The following FGFR2 variants were observed in gnomAD, a reference collection of about 807,000 sequenced individuals.
FGFR2 encodes the protein BEK fibroblast growth factor receptor.
A neutral mutation model predicts 95.9 loss-of-function variants in FGFR2; 19 were observed. The observed-to-expected ratio is 0.20, with a 90% confidence interval of 0.14 to 0.29. The LOEUF is 0.29. FGFR2 is among the 10% of genes least tolerant of loss of function. FGFR2 has a pLI of 1.00. For synonymous variants in FGFR2, 392 were observed against 393.3 expected (o/e 1.00, Z 0.04); for missense variants, 707 against 1,056.9 (o/e 0.67, Z 4.59).
At chr10:121,543,842 G>C (rs976922669) in intron 5 of FGFR2, among the ~76,000 whole-genome samples, 1 of 152,208 alleles carries the variant, frequency 6.6e-6, no homozygotes, top group African/African-American at 2.4e-5. Context: ...CTCCAGAGGA[G>C]GTGGGAAGTG....
chr10:121,570,073 C>A (rs1240180974), intron 2 of FGFR2, among the ~76,000 whole-genome samples: 1 of 152,210 alleles, frequency 6.6e-6, no homozygotes, highest in Non-Finnish European at 1.5e-5. Context: ...CCCAGTGGCC[C>A]CCCAAGCCCA....
At chr10:121,570,815 TAAAC>T (rs1472838635) in intron 2 of FGFR2, among the ~76,000 whole-genome samples, 1 of 152,232 alleles carries the variant, frequency 6.6e-6, no homozygotes, top group African/African-American at 2.4e-5. Context: ...CTAAAACTGG[TAAAC>T]AAACAAGGCA....
In FGFR2 at chr10:121,524,101, T is replaced by TACACACACAC. The variant is rs61527395; in HGVS notation, c.749-3942_749-3933dup. The stretch of plus-strand genomic sequence containing the variant: ...ATTCCAATGCTATCCCGGCTATGTA[T>TACACACACAC]ACACACACACACACACACACACACA... On this transcript the variant is annotated intron_variant, in intron 6 of 17. Transcript: ENST00000358487. Among the ~76,000 whole-genome samples the TACACACACAC allele has an allele frequency of 2.7e-3, 237 of 89,202 alleles. 1 individual carries two copies. Among genetic ancestry groups the TACACACACAC allele is most frequent in the African/African-American group, 8.3e-3 (232 of 27,824 alleles). 58.5% of individuals were successfully genotyped at this position (89,202 alleles called of 152,430 possible).
In FGFR2 at chr10:121,598,048, G is replaced by T. The variant is rs1013618217; in HGVS notation, c.-237C>A. ...GAGAAAGCGACGAGCCCGGGGTTGCGGGGAGCAACTCCAAACGCAGAAGAG... is the reference window on the plus strand; with the variant it reads ...GAGAAAGCGACGAGCCCGGGGTTGCTGGGAGCAACTCCAAACGCAGAAGAG... On this transcript the variant is annotated 5_prime_UTR_variant, in exon 1 of 18. Coordinates refer to ENST00000358487, the MANE Select transcript of FGFR2 (RefSeq NM_000141.5). The T allele has an allele frequency of 7.3e-5, 29 of 397,938 alleles. No individual in the cohort carries two copies. The highest frequency in any genetic ancestry group is 4.9e-4 in the African/African-American group (24 of 48,724). 24.7% of individuals were successfully genotyped at this position (397,938 alleles called of 1,614,324 possible).
At chr10:121,512,664 G>C (rs1354075269) in intron 9 of FGFR2, among the ~76,000 whole-genome samples, 1 of 152,102 alleles carries the variant, frequency 6.6e-6, no homozygotes, top group Non-Finnish European at 1.5e-5. Flanking sequence ...TGTGGAGCTA[G>C]GATTACAGGC....
chr10:121,598,049 G>C lies in FGFR2; in HGVS notation c.-238C>G, dbSNP rs542734413. 2.5e-6 allele frequency: 1 copy of C among 397,964 alleles called. No homozygotes were observed. Among genetic ancestry groups the C allele is most frequent in the South Asian group, 1.3e-4 (1 of 7,850 alleles). 24.7% of individuals were successfully genotyped at this position (397,964 alleles called of 1,614,324 possible). On this transcript the variant is annotated 5_prime_UTR_variant, in exon 1 of 18. Coordinates refer to ENST00000358487, the MANE Select transcript of FGFR2 (RefSeq NM_000141.5). ...AGAAAGCGACGAGCCCGGGGTTGCG[G>C]GGAGCAACTCCAAACGCAGAAGAGT...
chr10:121,583,903 T>C (rs553816300), intron 2 of FGFR2, among the ~76,000 whole-genome samples: 84 of 152,130 alleles, frequency 5.5e-4, no homozygotes, highest in African/African-American at 1.9e-3. Flanking sequence ...ACCTTGTCCA[T>C]AAAATAAGAA....
intron 17 of FGFR2, among the ~76,000 whole-genome samples, chr10:121,481,000 G>A (rs1844599313): frequency 6.6e-6 from 1 of 151,970 alleles, no homozygotes; most frequent in Admixed American, 6.6e-5. Context: ...TCCAATTTCA[G>A]GATCCATAAA....
intron 9 of FGFR2, among the ~76,000 whole-genome samples, chr10:121,510,479 G>T (rs1218435425): frequency 2.0e-5 from 3 of 152,162 alleles, no homozygotes; most frequent in African/African-American, 4.8e-5. Context: ...TCTGGAGCCG[G>T]TAAGGTTTAG....
At chr10:121,575,119 A>G (rs1366148221) in intron 2 of FGFR2, among the ~76,000 whole-genome samples, 3 of 152,250 alleles carry the variant, frequency 2.0e-5, no homozygotes, top group African/African-American at 7.2e-5. Flanking sequence ...GGTAACCATT[A>G]AAAATTATAT....
intron 5 of FGFR2, among the ~76,000 whole-genome samples, chr10:121,544,029 G>T (rs1854141509): frequency 6.6e-6 from 1 of 152,144 alleles, no homozygotes; most frequent in Non-Finnish European, 1.5e-5. Context: ...CCACTCCTAG[G>T]TATATACCAG....
intron 4 of FGFR2, among the ~76,000 whole-genome samples, chr10:121,562,215 A>G (rs757184863): frequency 6.6e-6 from 1 of 152,202 alleles, no homozygotes; most frequent in Non-Finnish European, 1.5e-5. Context: ...ATGTCCCCAC[A>G]AAAACCCGCA....
In FGFR2 at chr10:121,485,698, C is replaced by T. The variant is rs1158644245; in HGVS notation, c.2058-166G>A. Among the ~76,000 whole-genome samples the T allele has an allele frequency of 2.6e-5, 4 of 152,140 alleles. No homozygotes were observed. Among genetic ancestry groups the T allele is most frequent in the Admixed American group, 6.5e-5 (1 of 15,274 alleles). ...CTTTCCTGCCCTGCAAGAGCATCCC[C>T]GAATGATGATGACACGGGGATGTGC... On this transcript the variant is annotated intron_variant, in intron 15 of 17. Transcript: ENST00000358487. The surrounding 1 kb of genome is among the most constrained non-coding windows in gnomAD (Gnocchi z 4.2).
At chr10:121,557,246 A>C (rs954165105) in intron 4 of FGFR2, among the ~76,000 whole-genome samples, 5 of 152,222 alleles carry the variant, frequency 3.3e-5, no homozygotes, top group Non-Finnish European at 5.9e-5. Flanking sequence ...ACTGAGAAAG[A>C]TATTCAGTCC....
intron 7 of FGFR2, among the ~76,000 whole-genome samples, chr10:121,519,367 G>T (rs1850176093): frequency 6.6e-6 from 1 of 151,832 alleles, no homozygotes; most frequent in African/African-American, 2.4e-5. Flanking sequence ...AGGAGGGAAA[G>T]ATATTTTCCT....
intron 16 of FGFR2, among the ~76,000 whole-genome samples, chr10:121,484,970 C>G (rs1845220679): frequency 6.6e-6 from 1 of 152,168 alleles, no homozygotes. Context: ...GCACAACCAC[C>G]AGGGAAAGGC....
intron 13 of FGFR2, among the ~76,000 whole-genome samples, chr10:121,492,410 G>GCACACACACACATGTA (rs2133888559): frequency 6.6e-6 from 1 of 151,288 alleles, no homozygotes; most frequent in East Asian, 1.9e-4. Flanking sequence ...ACACACTCAC[G>GCACACACACACATGTA]CACACACACA....
chr10:121,569,424 A>G (rs1319140407), intron 2 of FGFR2, among the ~76,000 whole-genome samples: 1 of 151,956 alleles, frequency 6.6e-6, no homozygotes. Context: ...CGTTTACCAT[A>G]TTGGCCATGC....
At chr10:121,580,473 C>A (rs1343509684) in intron 2 of FGFR2, among the ~76,000 whole-genome samples, 1 of 50 alleles carries the variant, frequency 0.02, no homozygotes, top group Non-Finnish European at 0.033. Context: ...TGGCCAGCAT[C>A]TCGAAACCCG....
Sources: allele counts gnomAD v4.1 joint callset (sites outside exome capture counted in the v4.1 genomes callset), GRCh38; gene constraint gnomAD v4.1.1; non-coding constraint Gnocchi (gnomAD v3.1); transcripts MANE v1.5; gene names NCBI Gene and HGNC (gene_info 2026-07-23, HGNC 2026-07-21).